Variants in CPQ observed in about 807,000 individuals in gnomAD.
CPQ encodes the protein Ser-Met dipeptidase.
Under a neutral mutation model 45.7 loss-of-function variants are expected in CPQ, and 37 were observed. That is an observed-to-expected ratio of 0.81 (90% CI 0.62 to 1.07). The LOEUF is 1.07. CPQ is among the 50% of genes least tolerant of loss of function. CPQ has a pLI of 0.00. For missense variants in CPQ, 537 were observed against 572.9 expected, an observed-to-expected ratio of 0.94 and a Z score of 0.64; for synonymous variants, 186 against 205.8, an observed-to-expected ratio of 0.90 and a Z score of 0.82.
chr8:96,882,760 T>G (rs1211142478), intron 4 of CPQ, among the ~76,000 whole-genome samples: 2 of 152,234 alleles, frequency 1.3e-5, no homozygotes, highest in East Asian at 3.9e-4. Context: ...TGACTCATTC[T>G]TTTATTTTTT....
chr8:96,856,556 C>T (rs1811853976), intron 3 of CPQ, among the ~76,000 whole-genome samples: 1 of 152,162 alleles, frequency 6.6e-6, no homozygotes, highest in Admixed American at 6.5e-5. Flanking sequence ...GTGTTCACTG[C>T]CTCAGCCTCA....
At chr8:97,112,197 A>C (rs117227135) in intron 7 of CPQ, among the ~76,000 whole-genome samples, 3,939 of 149,358 alleles carry the variant, frequency 0.026, 68 homozygotes, top group Non-Finnish European at 0.043. Context: ...GGTAAGAATT[A>C]GAAGTCCAAC....
At chr8:97,037,062 AT>A (rs1440766478) in intron 6 of CPQ, among the ~76,000 whole-genome samples, 1 of 152,164 alleles carries the variant, frequency 6.6e-6, no homozygotes, top group Non-Finnish European at 1.5e-5. Flanking sequence ...TTTTGTCACA[AT>A]TTCCTGTTTT....
chr8:96,728,564 C>G (rs1302135349), intron 1 of CPQ, among the ~76,000 whole-genome samples: 1 of 152,130 alleles, frequency 6.6e-6, no homozygotes, highest in Non-Finnish European at 1.5e-5. Flanking sequence ...TTGAGAATAT[C>G]CTTCTCAAAA....
intron 2 of CPQ, among the ~76,000 whole-genome samples, chr8:96,797,776 G>A (rs1334441895): frequency 3.3e-5 from 5 of 152,068 alleles, no homozygotes; most frequent in Non-Finnish European, 5.9e-5. Context: ...AAATTGCCAG[G>A]TGCGGTGGCT....
intron 4 of CPQ, among the ~76,000 whole-genome samples, chr8:96,961,308 G>A (rs1563539669): frequency 6.6e-6 from 1 of 152,078 alleles, no homozygotes; most frequent in Non-Finnish European, 1.5e-5. Context: ...AATGAAATTG[G>A]TCACCTTTTC....
intron 7 of CPQ, among the ~76,000 whole-genome samples, chr8:97,074,163 CACTTTA>C (rs1037708076): frequency 4.6e-5 from 7 of 152,200 alleles, no homozygotes; most frequent in African/African-American, 1.4e-4. Context: ...TTAAAGCACA[CACTTTA>C]ACTTTAAAGT....
intron 2 of CPQ, among the ~76,000 whole-genome samples, chr8:96,814,521 G>A (rs1173055607): frequency 6.6e-6 from 1 of 152,162 alleles, no homozygotes; most frequent in Non-Finnish European, 1.5e-5. Context: ...TTAGTGCTAA[G>A]AGCTAATATA....
chr8:96,894,036 A>T (rs892770984), intron 4 of CPQ, among the ~76,000 whole-genome samples: 4 of 152,114 alleles, frequency 2.6e-5, no homozygotes, highest in African/African-American at 9.7e-5. Context: ...CTCTTGCATC[A>T]CTTGCTCTGG....
chr8:97,006,394 C>G (rs993667463), intron 5 of CPQ, among the ~76,000 whole-genome samples: 10 of 152,124 alleles, frequency 6.6e-5, no homozygotes, highest in Non-Finnish European at 4.4e-5. Context: ...AGCAGGCACT[C>G]TCATACAGGT....
At chr8:96,800,487 C>T (rs867773113) in intron 2 of CPQ, among the ~76,000 whole-genome samples, 6 of 151,820 alleles carry the variant, frequency 4.0e-5, no homozygotes, top group Admixed American at 6.6e-5. Context: ...GGTATATTTC[C>T]CAGAGAAATT....
At chr8:97,040,983 A>C (rs932966202) in intron 6 of CPQ, among the ~76,000 whole-genome samples, 2 of 151,804 alleles carry the variant, frequency 1.3e-5, no homozygotes, top group African/African-American at 2.4e-5. Flanking sequence ...TTTTGGTTCC[A>C]TATGAACTTT....
intron 1 of CPQ, among the ~76,000 whole-genome samples, chr8:96,663,004 A>G (rs1283523309): frequency 6.6e-6 from 1 of 152,116 alleles, no homozygotes; most frequent in Admixed American, 6.5e-5. Flanking sequence ...ACAAAACAAA[A>G]TCTCAACGTT....
chr8:96,845,846 G>T (rs1586423997), intron 3 of CPQ, among the ~76,000 whole-genome samples: 1 of 152,154 alleles, frequency 6.6e-6, no homozygotes, highest in Non-Finnish European at 1.5e-5. Context: ...TTGAGACGGA[G>T]TTTCACTCTT....
intron 1 of CPQ, among the ~76,000 whole-genome samples, chr8:96,770,411 A>G (rs528670028): frequency 2.6e-5 from 4 of 152,136 alleles, no homozygotes; most frequent in Non-Finnish European, 4.4e-5. Flanking sequence ...TGTTGAATTC[A>G]ATTTTCTTTC....
At chr8:97,106,359 G>A (rs933882814) in intron 7 of CPQ, among the ~76,000 whole-genome samples, 1 of 152,220 alleles carries the variant, frequency 6.6e-6, no homozygotes. Context: ...TAGACTGCAA[G>A]TTCTTAGAAA....
chr8:96,720,573 G>T (rs971749987), intron 1 of CPQ, among the ~76,000 whole-genome samples: 2 of 152,180 alleles, frequency 1.3e-5, no homozygotes. Context: ...TTCCTCTGAA[G>T]ATCTTGTCAA....
At chr8:96,837,309 A>G (rs906409443) in intron 3 of CPQ, among the ~76,000 whole-genome samples, 4 of 152,154 alleles carry the variant, frequency 2.6e-5, no homozygotes, top group Non-Finnish European at 5.9e-5. Context: ...TCTTCAGACT[A>G]TTATAGCCTG....
chr8:96,966,688 T>A (rs1348163654), intron 5 of CPQ, among the ~76,000 whole-genome samples: 1 of 152,222 alleles, frequency 6.6e-6, no homozygotes, highest in Non-Finnish European at 1.5e-5. Flanking sequence ...TGCCCCATTT[T>A]GAGAACCACT....
Sources: allele counts gnomAD v4.1 joint callset (sites outside exome capture counted in the v4.1 genomes callset), GRCh38; gene constraint gnomAD v4.1.1; transcripts MANE v1.5; gene names NCBI Gene and HGNC (gene_info 2026-07-23, HGNC 2026-07-21).